Variants in RPTOR observed in about 807,000 individuals in gnomAD.
RPTOR encodes the protein regulatory associated protein of MTOR complex 1.
RPTOR carries 21 observed loss-of-function variants against 169.9 expected under a neutral mutation model. The observed-to-expected ratio is 0.12, with a 90% CI of 0.09 to 0.18. The LOEUF is 0.18. RPTOR is among the 10% of genes least tolerant of loss of function. RPTOR has a pLI of 1.00. For missense variants in RPTOR, 1,133 were observed against 1,855.9 expected (o/e 0.61, Z 7.16); for synonymous variants, 732 against 753.2 (o/e 0.97, Z 0.46).
chr17:80,949,409 C>A, intron 27 of RPTOR, 34 bp from the exon 28 acceptor site: 1 of 1,558,446 alleles, frequency 6.4e-7, no homozygotes, highest in South Asian at 1.1e-5. Flanking sequence ...CATCGAGGGG[C>A]CTGGTTCACA....
Position 80,844,892 on chromosome 17 carries a change from C to A in RPTOR, c.1213-1581C>A, listed in dbSNP as rs1024527865. ...CTCCTCTCAGAGACACGCACCTCCA[C>A]TGCGGCCACCCACCTTCCCCCCGAG... On this transcript the variant is annotated intron_variant, in intron 10 of 33. Coordinates refer to ENST00000306801, the MANE Select transcript of RPTOR (RefSeq NM_020761.3). The surrounding 1 kb of genome is among the most constrained non-coding windows in gnomAD (Gnocchi z 4.7). Among the ~76,000 whole-genome samples, 1 of 152,188 alleles carries A rather than the reference C, an allele frequency of 6.6e-6. No individual in the cohort carries two copies. The highest frequency in any genetic ancestry group is 2.4e-5 in the African/African-American group (1 of 41,444).
intron 3 of RPTOR, among the ~76,000 whole-genome samples, chr17:80,673,574 T>TG (rs2065838478): frequency 6.6e-6 from 1 of 152,254 alleles, no homozygotes; most frequent in Admixed American, 6.5e-5. Context: ...AAAGAGCGGT[T>TG]GCCGTGACCT....
rs2066377044 is a variant in RPTOR at position 80,730,080 on chromosome 17, T to C, written c.508-480T>C. Among the ~76,000 whole-genome samples, 1 of 152,210 alleles carries C rather than the reference T, an allele frequency of 6.6e-6. No individual in the cohort carries two copies. The highest frequency in any genetic ancestry group is 2.1e-4 in the South Asian group (1 of 4,820). ...TGGGCGCTACTGGAGTAAAGCAGCA[T>C]CAGAGGAGATGTGGAGAAATTCAGT... is the stretch of plus-strand genomic sequence containing the variant. On this transcript the variant is annotated intron_variant, in intron 4 of 33. Transcript: ENST00000306801. This position sits in a 1 kb window ranked among gnomAD's most constrained non-coding sequence, Gnocchi z 4.2.
At chr17:80,559,388 C>T (rs2084450941) in intron 1 of RPTOR, among the ~76,000 whole-genome samples, 1 of 152,158 alleles carries the variant, frequency 6.6e-6, no homozygotes, top group East Asian at 1.9e-4. Flanking sequence ...TGTTTGGGAG[C>T]ACGTCCTGAC....
chr17:80,608,286 C>T (rs1246188705), intron 1 of RPTOR, among the ~76,000 whole-genome samples: 1 of 152,192 alleles, frequency 6.6e-6, no homozygotes, highest in African/African-American at 2.4e-5. Context: ...TCCCTCCTTT[C>T]CTTAGGAGAA....
At chr17:80,740,570 C>T (rs190676752) in intron 5 of RPTOR, among the ~76,000 whole-genome samples, 48 of 152,266 alleles carry the variant, frequency 3.2e-4, no homozygotes, top group African/African-American at 6.7e-4. Context: ...AGGAATTATA[C>T]GCTGTGACTT....
chr17:80,764,520 CATGGTGT>C (rs1214327618), intron 6 of RPTOR, among the ~76,000 whole-genome samples: 1 of 151,824 alleles, frequency 6.6e-6, no homozygotes, highest in Non-Finnish European at 1.5e-5. Flanking sequence ...CATAGTATTC[CATGGTGT>C]ATATGTGCCA....
At chr17:80,840,149 G>A (rs2143682338) in intron 10 of RPTOR, among the ~76,000 whole-genome samples, 1 of 152,276 alleles carries the variant, frequency 6.6e-6, no homozygotes, top group East Asian at 1.9e-4. Flanking sequence ...CCCCCTCGGC[G>A]CCCCTCTTAG....
At position 80,703,406 on chromosome 17, in the gene RPTOR, C is replaced by G. The variant is rs138146355; in HGVS notation, c.349-4435C>G. Reference sequence around the variant, plus strand: ...AAAAGAGGCTGGCAGGCGCTCACCCCACCTGGACCCTAGACCCTGGAGAAG... The same window carrying G: ...AAAAGAGGCTGGCAGGCGCTCACCCGACCTGGACCCTAGACCCTGGAGAAG... On this transcript the variant is annotated intron_variant, in intron 3 of 33. Transcript: ENST00000306801. 8.3e-3 allele frequency among the ~76,000 whole-genome samples: 1,265 copies of G among 152,208 alleles called. 18 individuals are homozygous for G. The highest frequency in any genetic ancestry group is 0.028 in the African/African-American group (1,181 of 41,508).
At chr17:80,599,762 G>A (rs553685104) in intron 1 of RPTOR, among the ~76,000 whole-genome samples, 2 of 152,206 alleles carry the variant, frequency 1.3e-5, no homozygotes, top group African/African-American at 4.8e-5. Flanking sequence ...GGAAAGGAGG[G>A]AACGTGTCAT....
At chr17:80,828,399 A>G (rs1172616823) in intron 9 of RPTOR, among the ~76,000 whole-genome samples, 2 of 152,184 alleles carry the variant, frequency 1.3e-5, no homozygotes, top group South Asian at 2.1e-4. Context: ...TTTTCCCTCC[A>G]GCTGGACATG....
chr17:80,800,258 C>T (rs1165819933), intron 7 of RPTOR, among the ~76,000 whole-genome samples: 2 of 152,150 alleles, frequency 1.3e-5, no homozygotes, highest in Admixed American at 6.5e-5. Flanking sequence ...TCGTCTTTGT[C>T]GGCACTGGAG....
intron 20 of RPTOR, among the ~76,000 whole-genome samples, chr17:80,907,860 C>T (rs1209229243): frequency 6.6e-6 from 1 of 152,266 alleles, no homozygotes; most frequent in East Asian, 1.9e-4. Flanking sequence ...CTTCGTGCCT[C>T]TTCCACCAGG....
chr17:80,712,978 CTT>C (rs1369255184), intron 4 of RPTOR, among the ~76,000 whole-genome samples: 4 of 152,148 alleles, frequency 2.6e-5, no homozygotes, highest in Non-Finnish European at 5.9e-5. Flanking sequence ...TGAGGTATCT[CTT>C]CAGGTTTTTT....
In RPTOR at chr17:80,822,308, C is replaced by T. The variant is rs759110352; in HGVS notation, c.991+7C>T. 8.1e-6 allele frequency: 13 copies of T among 1,613,698 alleles called. No individual in the cohort carries two copies. Among genetic ancestry groups the T allele is most frequent in the South Asian group, 7.7e-5 (7 of 91,074 alleles). On this transcript the variant is annotated splice_region_variant and intron_variant, in intron 8 of 33. Coordinates refer to ENST00000306801, the MANE Select transcript of RPTOR (RefSeq NM_020761.3). ...TGGAACGTGCTCCCCCGGGGTGAGG[C>T]GCGGGCCGGGCCTTGGGGAGGGAGG...
chr17:80,918,418 GGTCATAGCCACGAGCACCCTCGCCGGA>G (rs756661116), intron 21 of RPTOR, among the ~76,000 whole-genome samples: 13,174 of 126,960 alleles, frequency 0.1, 3,348 homozygotes, highest in African/African-American at 0.13. Flanking sequence ...CCCTCGCGGG[GGTCATAGCCACGAGCACCCTCGCCGGA>G]GTCATAGCCA....
chr17:80,555,003 CG>C (rs1568301106), intron 1 of RPTOR, among the ~76,000 whole-genome samples: 1 of 152,044 alleles, frequency 6.6e-6, no homozygotes, highest in African/African-American at 2.4e-5. Context: ...ACCTTCAATA[CG>C]GAAAATGTTG....
intron 11 of RPTOR, among the ~76,000 whole-genome samples, chr17:80,850,348 A>G (rs531488389): frequency 6.6e-6 from 1 of 152,320 alleles, no homozygotes; most frequent in South Asian, 2.1e-4. Flanking sequence ...ACTGAGCATA[A>G]TGGCCTCCTG....
At chr17:80,634,450 TGTGTGTGCATA>T (rs1184016945) in intron 2 of RPTOR, among the ~76,000 whole-genome samples, 1 of 144,362 alleles carries the variant, frequency 6.9e-6, no homozygotes, top group African/African-American at 2.6e-5. Flanking sequence ...GTGCATACTT[TGTGTGTGCATA>T]GTGTGTGCGT....
Sources: gnomAD v4.1 joint callset for allele counts (sites outside exome capture counted in the v4.1 genomes callset) on GRCh38, gnomAD v4.1.1 for gene constraint, Gnocchi (gnomAD v3.1) non-coding constraint, MANE v1.5 for transcripts, NCBI Gene and HGNC (gene_info 2026-07-23, HGNC 2026-07-21) for gene names.